MAGI2: variants seen among roughly 807,000 people sequenced by gnomAD.
MAGI2 encodes the protein membrane-associated guanylate kinase, WW and PDZ domain-containing protein 2.
MAGI2 carries 35 observed loss-of-function variants against 133.3 expected under a neutral mutation model. The observed-to-expected ratio is 0.26, with a 90% CI of 0.20 to 0.35. The LOEUF is 0.35. Ranked by LOEUF, MAGI2 falls within the 10% of genes least tolerant of loss-of-function variation. The pLI is 1.00. For missense variants in MAGI2, 1,636 were observed against 1,863.4 expected (o/e 0.88, Z 2.25); for synonymous variants, 729 against 710.6 (o/e 1.03, Z -0.41).
intron 2 of MAGI2, among the ~76,000 whole-genome samples, chr7:78,873,242 C>A (rs1044382234): frequency 6.6e-6 from 1 of 152,170 alleles, no homozygotes; most frequent in Non-Finnish European, 1.5e-5. Flanking sequence ...CTATGAAATA[C>A]TATACAACAG....
In MAGI2 at chr7:78,019,626, C is replaced by A; in HGVS notation, c.4057G>T (p.Ala1353Ser). The A allele has an allele frequency of 1.0e-6, 1 of 999,870 alleles. No homozygotes were observed. Among genetic ancestry groups the A allele is most frequent in the Non-Finnish European group, 1.2e-6 (1 of 841,354 alleles). 61.9% of individuals were successfully genotyped at this position (999,870 alleles called of 1,614,324 possible). The change falls in exon 22 of 22, where the codon GCG becomes TCG. Residue 1353 changes from alanine to serine, a missense_variant. Around this residue, in one of 5 missense-constraint regions of MAGI2, gnomAD observed 354 missense variants for 298.7 expected, o/e 1.19. Coordinates refer to ENST00000354212, the MANE Select transcript of MAGI2 (RefSeq NM_012301.4). ...GCCGCGTCCGCCGCGTCTGCCGCCG[C>A]GAGCCCGGGCGCCCTGGCCTCCGAG... ...PASEARAPGL[A>S]AADAADAARA...
rs373312587 is a variant in MAGI2, at chr7:78,572,371, C to T, written c.539-50726G>A. ...CTCATCAAGTAAGTCTAACTTTCAT[C>T]CTTGGTCAAGTAGGTAAGGCATATC... On this transcript the variant is annotated intron_variant, in intron 3 of 21. Transcript: ENST00000354212. Among the ~76,000 whole-genome samples, 13 of 152,178 alleles carry T rather than the reference C, an allele frequency of 8.5e-5. No homozygotes were observed. In the East Asian group the frequency reaches 9.7e-4, roughly 11 times the overall value.
At chr7:78,914,950 G>A (rs912105292) in intron 2 of MAGI2, among the ~76,000 whole-genome samples, 1 of 151,906 alleles carries the variant, frequency 6.6e-6, no homozygotes, top group African/African-American at 2.4e-5. Context: ...CAGAATAGCG[G>A]GTAGAAAATA....
Position 78,787,439 on chromosome 7 carries a change from A to G in MAGI2, c.419-160200T>C, listed in dbSNP as rs567512209. 2.6e-4 allele frequency among the ~76,000 whole-genome samples: 40 copies of G among 152,280 alleles called. No individual in the cohort carries two copies. In the East Asian group the frequency reaches 7.3e-3, roughly 28 times the overall value. ...GGTACACATGAGAAAATAGAGTCACAAGAGCAGTTAAAGTCACAAAGACAG... is the reference window on the plus strand; with the variant it reads ...GGTACACATGAGAAAATAGAGTCACGAGAGCAGTTAAAGTCACAAAGACAG... On this transcript the variant is annotated intron_variant, in intron 2 of 21. Coordinates refer to ENST00000354212, the MANE Select transcript of MAGI2 (RefSeq NM_012301.4).
At chr7:78,470,059 A>G (rs191282091) in intron 6 of MAGI2, among the ~76,000 whole-genome samples, 132 of 152,134 alleles carry the variant, frequency 8.7e-4, no homozygotes, top group African/African-American at 3.1e-3. Context: ...CAGCCCCTGC[A>G]TTTTCTTTGA....
At chr7:78,595,112 A>G (rs1350696408) in intron 3 of MAGI2, among the ~76,000 whole-genome samples, 2 of 151,802 alleles carry the variant, frequency 1.3e-5, no homozygotes, top group Non-Finnish European at 2.9e-5. Context: ...ATCTGCATCT[A>G]GTTACTGGGC....
chr7:78,137,224 G>A (rs1162114281), intron 16 of MAGI2, among the ~76,000 whole-genome samples: 1 of 152,132 alleles, frequency 6.6e-6, no homozygotes, highest in Non-Finnish European at 1.5e-5. Flanking sequence ...GTTCATCAAT[G>A]ATTTGGTCTC....
chr7:78,486,705 C>A (rs1045746590), intron 6 of MAGI2: 2 of 396,002 alleles, frequency 5.1e-6, no homozygotes, highest in Admixed American at 2.9e-5. Context: ...TGGAGTCCAG[C>A]AAGGTAGGGA....
chr7:78,781,201 A>C (rs1826364787), intron 2 of MAGI2, among the ~76,000 whole-genome samples: 1 of 151,920 alleles, frequency 6.6e-6, no homozygotes, highest in African/African-American at 2.4e-5. Flanking sequence ...ACACGGTGAA[A>C]CCCCGTCTTT....
At chr7:78,631,086 T>C (rs1808945614) in intron 2 of MAGI2, among the ~76,000 whole-genome samples, 1 of 152,136 alleles carries the variant, frequency 6.6e-6, no homozygotes, top group Admixed American at 6.5e-5. Flanking sequence ...GCCACATTGT[T>C]TGAGATTTTC....
chr7:79,336,301 T>C (rs1310384990), intron 1 of MAGI2, among the ~76,000 whole-genome samples: 1 of 152,112 alleles, frequency 6.6e-6, no homozygotes, highest in Non-Finnish European at 1.5e-5. Flanking sequence ...TGACAGGATT[T>C]GAGGCTTATT....
intron 6 of MAGI2, among the ~76,000 whole-genome samples, chr7:78,449,952 T>C (rs568017514): frequency 1.3e-5 from 2 of 152,238 alleles, no homozygotes; most frequent in Non-Finnish European, 2.9e-5. Flanking sequence ...AACACTGTCT[T>C]AGAGGATTAC....
At chr7:78,434,680 G>A (rs951254040) in intron 6 of MAGI2, among the ~76,000 whole-genome samples, 1 of 152,022 alleles carries the variant, frequency 6.6e-6, no homozygotes, top group Non-Finnish European at 1.5e-5. Context: ...GCAATGAATA[G>A]GTTATTTTAG....
At chr7:78,227,975 T>C (rs1043243225) in intron 10 of MAGI2, among the ~76,000 whole-genome samples, 2 of 152,034 alleles carry the variant, frequency 1.3e-5, no homozygotes, top group Non-Finnish European at 2.9e-5. Flanking sequence ...GTAAATATGT[T>C]AGGCTTTGCA....
At chr7:79,057,972 T>TTC (rs1250692544) in intron 1 of MAGI2, among the ~76,000 whole-genome samples, 1 of 151,738 alleles carries the variant, frequency 6.6e-6, no homozygotes, top group African/African-American at 2.4e-5. Flanking sequence ...TTTTTTTTTT[T>TTC]TTAGTCACAT....
intron 2 of MAGI2, among the ~76,000 whole-genome samples, chr7:78,722,208 A>G (rs2151202146): frequency 6.6e-6 from 1 of 151,894 alleles, no homozygotes; most frequent in Non-Finnish European, 1.5e-5. Flanking sequence ...TTGTATAATA[A>G]ATAGCAGTAA....
intron 2 of MAGI2, among the ~76,000 whole-genome samples, chr7:78,781,739 T>A (rs942435467): frequency 2.6e-5 from 4 of 152,168 alleles, no homozygotes; most frequent in African/African-American, 9.6e-5. Context: ...GCTTTTATAA[T>A]AGAAGAAATA....
intron 1 of MAGI2, among the ~76,000 whole-genome samples, chr7:79,186,276 T>G (rs1827133034): frequency 7.5e-6 from 1 of 132,524 alleles, no homozygotes; most frequent in Non-Finnish European, 1.5e-5. Flanking sequence ...TACATACATT[T>G]AAACTATATA....
intron 1 of MAGI2, among the ~76,000 whole-genome samples, chr7:79,155,964 C>T (rs1227850939): frequency 2.0e-5 from 3 of 152,106 alleles, no homozygotes; most frequent in Non-Finnish European, 4.4e-5. Context: ...TGGAGTCACC[C>T]TGAATGCTAA....
Sources: allele counts gnomAD v4.1 joint callset (sites outside exome capture counted in the v4.1 genomes callset), GRCh38; gene constraint gnomAD v4.1.1; regional missense constraint gnomAD v4.1.1; transcripts MANE v1.5; gene names NCBI Gene and HGNC (gene_info 2026-07-23, HGNC 2026-07-21).